ACAP2: variants seen among roughly 807,000 people sequenced by gnomAD.
The protein encoded by ACAP2 is arf-GAP with coiled-coil, ANK repeat and PH domain-containing protein 2.
Under a neutral mutation model 115.8 loss-of-function variants are expected in ACAP2, and 39 were observed. The ratio of observed to expected loss-of-function variants is 0.34; its 90% confidence interval spans 0.26 to 0.44. The LOEUF (loss-of-function observed/expected upper bound fraction) is 0.44, where lower values mean the gene tolerates loss of function less well. Ranked by LOEUF, ACAP2 falls within the 20% of genes least tolerant of loss-of-function variation. The probability of loss-of-function intolerance (pLI) is 1.00; values close to 1 mark genes in which losing one functional copy is unlikely to be tolerated. For missense variants in ACAP2, 662 were observed against 927.6 expected (o/e 0.71, Z 3.72); for synonymous variants, 289 against 315.8 (o/e 0.92, Z 0.90).
chr3:195,292,725 T>C (rs150130624), intron 18 of ACAP2, among the ~76,000 whole-genome samples: 3,867 of 151,822 alleles, frequency 0.025, 76 homozygotes, highest in Non-Finnish European at 0.039. Flanking sequence ...AGTTTGAAAC[T>C]AGCCTGGCCA....
chr3:195,302,558 G>A (rs1455370093), intron 13 of ACAP2, among the ~76,000 whole-genome samples: 1 of 151,782 alleles, frequency 6.6e-6, no homozygotes, highest in Non-Finnish European at 1.5e-5. Context: ...TTTCCAAGGC[G>A]TTCAATAAAC....
intron 2 of ACAP2, among the ~76,000 whole-genome samples, chr3:195,385,022 A>C (rs1319758134): frequency 6.6e-6 from 1 of 152,156 alleles, no homozygotes; most frequent in Non-Finnish European, 1.5e-5. Context: ...GACTGAGTGA[A>C]CTTAACCTCA....
intron 13 of ACAP2, among the ~76,000 whole-genome samples, chr3:195,303,403 C>T (rs1160846387): frequency 2.1e-5 from 3 of 144,612 alleles, no homozygotes; most frequent in Non-Finnish European, 4.5e-5. Flanking sequence ...AGTGAGACTC[C>T]ATCATATGTA....
At chr3:195,322,071 C>T (rs1729491834) in intron 9 of ACAP2, among the ~76,000 whole-genome samples, 1 of 152,158 alleles carries the variant, frequency 6.6e-6, no homozygotes, top group Non-Finnish European at 1.5e-5. Flanking sequence ...TTCTAGCGTT[C>T]TAATTATCTA....
intron 15 of ACAP2, among the ~76,000 whole-genome samples, chr3:195,297,936 A>G (rs76085159): frequency 0.022 from 3,286 of 152,296 alleles, 117 homozygotes; most frequent in East Asian, 0.1. Flanking sequence ...GTACCTTCTT[A>G]GCTAATCTTA....
chr3:195,370,228 T>G (rs1733032597), intron 4 of ACAP2, among the ~76,000 whole-genome samples: 2 of 152,228 alleles, frequency 1.3e-5, no homozygotes, highest in Non-Finnish European at 2.9e-5. Context: ...CAGTTTCTTT[T>G]ACTGTGCAGA....
In ACAP2 at chr3:195,277,253, T is replaced by G. The variant is rs947310191; in HGVS notation, c.*2075A>C. The G allele has an allele frequency of 1.3e-5, 2 of 152,230 alleles. No individual in the cohort carries two copies. The highest frequency in any genetic ancestry group is 2.9e-5 in the Non-Finnish European group (2 of 68,034). 9.4% of individuals were successfully genotyped at this position (152,230 alleles called of 1,614,324 possible). ...GTTTTTTCTTTTTCTTTAACGTACTTCTTTTCTTTGAGCTTCTTGGTCAAA... is the reference window on the plus strand; with the variant it reads ...GTTTTTTCTTTTTCTTTAACGTACTGCTTTTCTTTGAGCTTCTTGGTCAAA... On this transcript the variant is annotated 3_prime_UTR_variant, in exon 23 of 23. Coordinates refer to ENST00000326793, the MANE Select transcript of ACAP2 (RefSeq NM_012287.6).
chr3:195,285,158 C>A (rs1305807502), intron 22 of ACAP2, among the ~76,000 whole-genome samples: 1 of 152,218 alleles, frequency 6.6e-6, no homozygotes, highest in East Asian at 1.9e-4. Context: ...TAAAATGAGA[C>A]CTTTGCCCTC....
intron 9 of ACAP2, chr3:195,326,393 A>G (rs1729795101): frequency 6.6e-6 from 1 of 152,524 alleles, no homozygotes; most frequent in Admixed American, 6.5e-5. Context: ...GGCTTAGACA[A>G]TTTAACAGGC....
intron 11 of ACAP2, 90 bp downstream of exon 11, chr3:195,308,696 C>T: frequency 9.7e-7 from 1 of 1,034,834 alleles, no homozygotes; most frequent in East Asian, 2.6e-5. Context: ...TAATTTTACA[C>T]AAATGAGTAT....
intron 1 of ACAP2, among the ~76,000 whole-genome samples, chr3:195,438,926 A>T (rs1186903087): frequency 6.6e-6 from 1 of 151,794 alleles, no homozygotes; most frequent in East Asian, 1.9e-4. Flanking sequence ...CCAGGCGTGG[A>T]GGTGCACGCC....
intron 4 of ACAP2, among the ~76,000 whole-genome samples, chr3:195,351,129 T>TTTTTTTTGGGG (rs75945777): frequency 1.5e-5 from 2 of 131,832 alleles, no homozygotes; most frequent in African/African-American, 6.2e-5. Flanking sequence ...TTTTTTTTTT[T>TTTTTTTTGGGG]GGGCGGGGGA....
chr3:195,316,135 A>G (rs1729074823), intron 10 of ACAP2, among the ~76,000 whole-genome samples: 1 of 151,568 alleles, frequency 6.6e-6, no homozygotes, highest in Admixed American at 6.6e-5. Flanking sequence ...TTCTGCCATT[A>G]TATCATGAAA....
intron 18 of ACAP2, among the ~76,000 whole-genome samples, 161 bp downstream of exon 18, chr3:195,294,558 G>A (rs1370365804): frequency 7.7e-6 from 1 of 130,544 alleles, no homozygotes; most frequent in Non-Finnish European, 1.6e-5. Flanking sequence ...AGCCTGGGCA[G>A]TAAGAGTGAA....
At chr3:195,391,044 CTGAG>C (rs548444985) in intron 2 of ACAP2, among the ~76,000 whole-genome samples, 245 of 152,114 alleles carry the variant, frequency 1.6e-3, no homozygotes, top group African/African-American at 5.4e-3. Flanking sequence ...ATACAGATTA[CTGAG>C]TATCTATAAG....
intron 4 of ACAP2, among the ~76,000 whole-genome samples, chr3:195,367,565 C>T (rs781039996): frequency 4.6e-5 from 7 of 152,178 alleles, no homozygotes; most frequent in Non-Finnish European, 7.3e-5. Flanking sequence ...CCCACTCACA[C>T]GGTAGAGTTG....
chr3:195,290,846 A>ACAT (rs1727196933), intron 20 of ACAP2, among the ~76,000 whole-genome samples: 1 of 126,840 alleles, frequency 7.9e-6, no homozygotes. Flanking sequence ...ATAAATAAAT[A>ACAT]AATAATAAAT....
In ACAP2 at chr3:195,333,103, G is replaced by A; in HGVS notation, c.594C>T (p.Ala198=). ...ILKSMLSFMY[A]HLAFFHQGYD... is the part of the protein sequence containing the mutation. ...ATCCTTGATGAAAGAAGGCCAAATG[G>A]GCATACATAAATGACAACATCTAAT... The change falls in exon 8 of 23, where the codon GCC becomes GCT. Residue 198 remains alanine (A), a synonymous_variant. Coordinates refer to ENST00000326793, the MANE Select transcript of ACAP2 (RefSeq NM_012287.6). 1 of 1,602,422 alleles carries A rather than the reference G, an allele frequency of 6.2e-7. No individual in the cohort carries two copies. The highest frequency in any genetic ancestry group is 8.5e-7 in the Non-Finnish European group (1 of 1,174,518).
Position 195,275,960 on chromosome 3 carries a change from G to C in ACAP2, c.*3368C>G, listed in dbSNP as rs892825528. On this transcript the variant is annotated 3_prime_UTR_variant, in exon 23 of 23. Coordinates refer to ENST00000326793, the MANE Select transcript of ACAP2 (RefSeq NM_012287.6). ...TATCATGCGGTTCTAAAGTCATTCT[G>C]GACATACAATCTACAAAAATACATC... is the stretch of plus-strand genomic sequence containing the variant. 2 of 152,536 alleles carry C rather than the reference G, an allele frequency of 1.3e-5. No individual in the cohort carries two copies. Among genetic ancestry groups the C allele is most frequent in the African/African-American group, 4.8e-5 (2 of 41,406 alleles). 9.4% of individuals were successfully genotyped at this position (152,536 alleles called of 1,614,324 possible).
Sources: gnomAD v4.1 joint callset for allele counts (sites outside exome capture counted in the v4.1 genomes callset) on GRCh38, gnomAD v4.1.1 for gene constraint, MANE v1.5 for transcripts, NCBI Gene and HGNC (gene_info 2026-07-23, HGNC 2026-07-21) for gene names.